Variants in GTF2IRD1 observed in about 807,000 individuals in gnomAD.
GTF2IRD1 encodes general transcription factor II-I repeat domain-containing protein 1.
In GTF2IRD1, 26 loss-of-function variants were observed where a neutral mutation model predicts 113.2. That is an observed-to-expected ratio of 0.23 (90% CI 0.17 to 0.32). The LOEUF is 0.32. Ranked by LOEUF, GTF2IRD1 falls within the 10% of genes least tolerant of loss-of-function variation. The probability of loss-of-function intolerance (pLI) is 1.00; values close to 1 mark genes in which losing one functional copy is unlikely to be tolerated. For missense variants in GTF2IRD1, 864 were observed against 1,280.8 expected, an observed-to-expected ratio of 0.67 and a Z score of 4.97; for synonymous variants, 484 against 529.1, an observed-to-expected ratio of 0.91 and a Z score of 1.17.
chr7:74,456,638 G>A (rs376327576), intron 1 of GTF2IRD1, among the ~76,000 whole-genome samples: 6 of 151,512 alleles, frequency 4.0e-5, no homozygotes, highest in East Asian at 1.9e-4. Flanking sequence ...AGCCAAGACC[G>A]CACCACTGTA....
chr7:74,462,598 G>A (rs141326936), intron 1 of GTF2IRD1, among the ~76,000 whole-genome samples: 8 of 152,226 alleles, frequency 5.3e-5, no homozygotes, highest in East Asian at 3.9e-4. Context: ...CTAGCAAACC[G>A]GCTTGGCCGG....
At chr7:74,528,659 G>A (rs1310310664) in intron 8 of GTF2IRD1, among the ~76,000 whole-genome samples, 1 of 138,176 alleles carries the variant, frequency 7.2e-6, no homozygotes, top group African/African-American at 2.6e-5. Context: ...TGCTATTTGA[G>A]CAAACACCTG....
intron 1 of GTF2IRD1, among the ~76,000 whole-genome samples, chr7:74,454,765 G>A (rs1235066241): frequency 6.6e-6 from 1 of 152,192 alleles, no homozygotes; most frequent in African/African-American, 2.4e-5. Flanking sequence ...CCGGGTGGAG[G>A]GGACTCAGAA....
chr7:74,577,331 G>A (rs1392451067), intron 22 of GTF2IRD1, among the ~76,000 whole-genome samples: 2 of 152,102 alleles, frequency 1.3e-5, no homozygotes, highest in South Asian at 2.1e-4. Context: ...GAGCCACCGC[G>A]CCCAGCTGGG....
chr7:74,543,435 T>G (rs1240525264), intron 14 of GTF2IRD1, among the ~76,000 whole-genome samples: 1 of 152,232 alleles, frequency 6.6e-6, no homozygotes, highest in Non-Finnish European at 1.5e-5. Flanking sequence ...ACTGCACCAC[T>G]GCACTCCAGC....
At chr7:74,503,352 G>A (rs1271129719) in intron 1 of GTF2IRD1, among the ~76,000 whole-genome samples, 2 of 152,112 alleles carry the variant, frequency 1.3e-5, no homozygotes, top group South Asian at 2.1e-4. Flanking sequence ...TGTGACAGTC[G>A]CTCTTCTACT....
rs782608880 is a variant in GTF2IRD1 at position 74,555,415 on chromosome 7, C to T, written c.1967-23C>T. 4 of 1,613,738 alleles carry T rather than the reference C, an allele frequency of 2.5e-6. No individual in the cohort carries two copies. The South Asian group carries it at 4.4e-5, about 18-fold the overall frequency. On this transcript the variant is annotated intron_variant, in intron 18 of 26. Transcript: ENST00000424337. The surrounding 1 kb of genome is among the most constrained non-coding windows in gnomAD (Gnocchi z 5.3). ...CAGGAACTGCCTCCTCACTTGGCTT[C>T]TCTCCCCCTGCCCTGCCCCCAGAGA...
chr7:74,575,055 G>C (rs12055887), intron 22 of GTF2IRD1, among the ~76,000 whole-genome samples: 2 of 151,896 alleles, frequency 1.3e-5, no homozygotes, highest in South Asian at 2.1e-4. Context: ...GCGCCATTGC[G>C]CTCCAGCTTG....
At chr7:74,595,582 G>A (rs1802365452) in intron 25 of GTF2IRD1, among the ~76,000 whole-genome samples, 1 of 152,122 alleles carries the variant, frequency 6.6e-6, no homozygotes, top group Non-Finnish European at 1.5e-5. Flanking sequence ...TGGTCCAGGT[G>A]GGCATGCAAT....
At chr7:74,594,355 G>C (rs587762132) in intron 24 of GTF2IRD1, among the ~76,000 whole-genome samples, 2 of 152,182 alleles carry the variant, frequency 1.3e-5, no homozygotes, top group South Asian at 4.1e-4. Context: ...ACTCCAGCCT[G>C]GGCAAAAGAG....
intron 10 of GTF2IRD1, among the ~76,000 whole-genome samples, chr7:74,535,562 G>A (rs1798243831): frequency 6.6e-6 from 1 of 152,254 alleles, no homozygotes; most frequent in Non-Finnish European, 1.5e-5. Context: ...ATGCCCAGCA[G>A]TGTGACTCCA....
intron 22 of GTF2IRD1, among the ~76,000 whole-genome samples, chr7:74,573,070 C>T (rs148674974): frequency 6.6e-5 from 10 of 152,230 alleles, no homozygotes; most frequent in African/African-American, 2.4e-4. Context: ...CCCAACCTTC[C>T]ACACGTCGGG....
intron 11 of GTF2IRD1, 31 bp downstream of exon 11, chr7:74,536,306 G>A (rs2074667): frequency 0.24 from 334,386 of 1,396,610 alleles, 42,089 homozygotes; most frequent in East Asian, 0.48. Flanking sequence ...CCGGAGGCCC[G>A]CGGCCAGCCC....
At chr7:74,482,796 C>T (rs1794816214) in intron 1 of GTF2IRD1, among the ~76,000 whole-genome samples, 1 of 152,108 alleles carries the variant, frequency 6.6e-6, no homozygotes, top group South Asian at 2.1e-4. Flanking sequence ...ATCATCCTTG[C>T]GAGATTCCAC....
chr7:74,500,750 G>T (rs1220489841), intron 1 of GTF2IRD1, among the ~76,000 whole-genome samples: 5 of 152,096 alleles, frequency 3.3e-5, no homozygotes, highest in African/African-American at 1.2e-4. Context: ...TGGAGGCAGG[G>T]TCTTGCTCTG....
intron 19 of GTF2IRD1, among the ~76,000 whole-genome samples, chr7:74,556,781 G>C (rs1469093435): frequency 8.6e-6 from 1 of 116,128 alleles, no homozygotes; most frequent in African/African-American, 3.2e-5. Flanking sequence ...GCACCACCAT[G>C]CCTGGCTAAT....
rs1554353590 is a variant in GTF2IRD1, at chr7:74,547,291, G to A, written c.1916+5G>A. On this transcript the variant is annotated splice_donor_5th_base_variant and intron_variant, in intron 17 of 26. Transcript: ENST00000424337. Reference sequence around the variant, plus strand: ...CATCCAGTTTGTCATCAAGAGGTAAGGCCCAACCAGGTCCATGGGAGACAG... The same window carrying A: ...CATCCAGTTTGTCATCAAGAGGTAAAGCCCAACCAGGTCCATGGGAGACAG... The A allele has an allele frequency of 1.9e-6, 3 of 1,600,598 alleles. No individual in the cohort carries two copies. Among genetic ancestry groups the A allele is most frequent in the Middle Eastern group, 3.3e-4 (2 of 6,046 alleles).
intron 1 of GTF2IRD1, among the ~76,000 whole-genome samples, chr7:74,470,281 C>T (rs940345412): frequency 2.6e-5 from 4 of 152,178 alleles, no homozygotes; most frequent in Admixed American, 6.5e-5. Context: ...CCACCACACA[C>T]GGCCAAATTC....
chr7:74,581,021 TG>T (rs1304194443), intron 22 of GTF2IRD1, among the ~76,000 whole-genome samples: 67 of 151,590 alleles, frequency 4.4e-4, no homozygotes, highest in Middle Eastern at 3.4e-3. Context: ...CCCCCTTTTC[TG>T]GGGGGGGTTG....
Sources: gnomAD v4.1 joint callset for allele counts (sites outside exome capture counted in the v4.1 genomes callset) on GRCh38, gnomAD v4.1.1 for gene constraint, Gnocchi (gnomAD v3.1) non-coding constraint, MANE v1.5 for transcripts, NCBI Gene and HGNC (gene_info 2026-07-23, HGNC 2026-07-21) for gene names.